DCHS2: variants seen among roughly 807,000 people sequenced by gnomAD.
DCHS2 encodes the protein protocadherin-23.
A neutral mutation model predicts 182.4 loss-of-function variants in DCHS2; 142 were observed. That is an observed-to-expected ratio of 0.78 (90% CI 0.68 to 0.89). The LOEUF is 0.89. DCHS2 is among the 40% of genes least tolerant of loss of function. The pLI, the probability that DCHS2 is intolerant of heterozygous loss-of-function variation, is 0.00. For synonymous variants in DCHS2, 1,740 were observed against 1,663.3 expected (o/e 1.05, Z -1.12); for missense variants, 4,319 against 4,198.6 (o/e 1.03, Z -0.79).
intron 3 of DCHS2, among the ~76,000 whole-genome samples, chr4:154,356,821 T>G (rs1305287141): frequency 1.3e-5 from 2 of 152,164 alleles, no homozygotes; most frequent in Admixed American, 6.6e-5. Context: ...ATGATGCATG[T>G]CTCAGAATGT....
chr4:154,490,510 C>T lies in DCHS2; in HGVS notation c.846G>A (p.Val282=). Residue 282 remains valine, a synonymous_variant, in exon 1 of 20, where the codon GTG becomes GTA. Coordinates refer to ENST00000357232, the MANE Select transcript of DCHS2 (RefSeq NM_001358235.2). ...CGTTCTCATCCAGCACGCGCAGCTCCACGCTCAGGAGGCCGGTGCGCCGGG... is the reference window on the plus strand; with the variant it reads ...CGTTCTCATCCAGCACGCGCAGCTCTACGCTCAGGAGGCCGGTGCGCCGGG... ...GRPRRTGLLS[V]ELRVLDENDN... 1 of 1,537,516 alleles carries T rather than the reference C, an allele frequency of 6.5e-7. No homozygotes were observed.
chr4:154,319,656 T>TAAAAA (rs59154846), intron 9 of DCHS2, among the ~76,000 whole-genome samples: 14 of 116,926 alleles, frequency 1.2e-4, no homozygotes, highest in East Asian at 2.4e-4. Flanking sequence ...TGGCTGTTAC[T>TAAAAA]AAAAAAAAAA....
At chr4:154,351,610 C>T (rs1005502826) in intron 3 of DCHS2, among the ~76,000 whole-genome samples, 3 of 152,012 alleles carry the variant, frequency 2.0e-5, no homozygotes, top group Admixed American at 6.6e-5. Context: ...TACCAGGGAC[C>T]GGTTTCGTGG....
intron 1 of DCHS2, among the ~76,000 whole-genome samples, chr4:154,378,447 G>C (rs1010129453): frequency 2.2e-5 from 3 of 138,922 alleles, no homozygotes; most frequent in African/African-American, 7.9e-5. Context: ...AAGAGGAGGA[G>C]GGAAGGAAGG....
chr4:154,491,384 C>G lies in DCHS2; in HGVS notation c.-29G>C, dbSNP rs777358719. On this transcript the variant is annotated 5_prime_UTR_variant, in exon 1 of 20. Transcript: ENST00000357232. ...TCCTCCAGCTCCTTGGGAAGGCTCT[C>G]GGGTAACTGCCAGCTTGTGGCAGGA... 1.4e-5 allele frequency: 20 copies of G among 1,477,718 alleles called. No individual in the cohort carries two copies. The South Asian group carries it at 2.6e-4, about 19-fold the overall frequency. 91.5% of individuals were successfully genotyped at this position (1,477,718 alleles called of 1,614,324 possible). A position where few individuals can be genotyped will look rare whatever the true frequency, so the allele number is the denominator to read the frequency against.
Position 154,491,141 on chromosome 4 carries a change from G to A in DCHS2, c.215C>T (p.Ser72Phe), listed in dbSNP as rs1452878192. The A allele has an allele frequency of 2.6e-6, 4 of 1,551,334 alleles. No homozygotes were observed. The highest frequency in any genetic ancestry group is 3.5e-6 in the Non-Finnish European group (4 of 1,146,868). Residue 72 changes from serine to phenylalanine, a missense_variant, in exon 1 of 20, where the codon TCC becomes TTC. Transcript: ENST00000357232. Reference sequence around the variant, plus strand: ...GTCCGGGGGAAGCCCCTCATCTACGGAAAGGGTGAGGTTGAACAACTGGGC... The same window carrying A: ...GTCCGGGGGAAGCCCCTCATCTACGAAAAGGGTGAGGTTGAACAACTGGGC... Reference protein sequence around the residue: ...SSAQLFNLTLSVDEGLPPDTL... With the variant: ...SSAQLFNLTLFVDEGLPPDTL...
chr4:154,481,855 C>T (rs902656725), intron 1 of DCHS2, among the ~76,000 whole-genome samples: 1 of 152,200 alleles, frequency 6.6e-6, no homozygotes, highest in Non-Finnish European at 1.5e-5. Flanking sequence ...GCATTGCAAG[C>T]TTTTATCCAC....
chr4:154,312,972 GGTGCAGTT>G (rs1554005916), intron 10 of DCHS2, among the ~76,000 whole-genome samples: 1 of 152,138 alleles, frequency 6.6e-6, no homozygotes, highest in Non-Finnish European at 1.5e-5. Context: ...AGACTTAGGC[GGTGCAGTT>G]GTACACCTAG....
intron 1 of DCHS2, among the ~76,000 whole-genome samples, chr4:154,462,964 T>G (rs567325978): frequency 6.6e-6 from 1 of 151,954 alleles, no homozygotes; most frequent in African/African-American, 2.4e-5. Flanking sequence ...TGACATGAAA[T>G]GAGAAAAAGC....
At chr4:154,415,313 T>TATACATATACTTA (rs1732790464) in intron 1 of DCHS2, among the ~76,000 whole-genome samples, 1 of 152,232 alleles carries the variant, frequency 6.6e-6, no homozygotes, top group Non-Finnish European at 1.5e-5. Context: ...ATAGATTTAA[T>TATACATATACTTA]TGCATATACA....
chr4:154,424,561 C>T (rs987435400), intron 1 of DCHS2, among the ~76,000 whole-genome samples: 3 of 152,168 alleles, frequency 2.0e-5, no homozygotes, highest in South Asian at 2.1e-4. Flanking sequence ...ATCAGGCAGA[C>T]ATTAAATTGA....
At chr4:154,373,757 C>T in intron 2 of DCHS2, 1 of 592,758 alleles carries the variant, frequency 1.7e-6, no homozygotes, top group South Asian at 2.3e-5. Flanking sequence ...CATTCAGCCT[C>T]ATACCTGCAA....
At chr4:154,391,375 C>T in intron 1 of DCHS2, 1 of 1,511,172 alleles carries the variant, frequency 6.6e-7, no homozygotes, top group Non-Finnish European at 8.8e-7. Flanking sequence ...GCTACAGGTT[C>T]ACATATGGAA....
At chr4:154,453,860 T>A (rs1201684523) in intron 1 of DCHS2, among the ~76,000 whole-genome samples, 1 of 152,246 alleles carries the variant, frequency 6.6e-6, no homozygotes, top group African/African-American at 2.4e-5. Flanking sequence ...AGTGCTATTT[T>A]GTATTTGTTT....
chr4:154,439,643 C>T (rs1733919138), intron 1 of DCHS2, among the ~76,000 whole-genome samples: 1 of 152,130 alleles, frequency 6.6e-6, no homozygotes. Flanking sequence ...ATATGCATTC[C>T]ATACTGTCAT....
chr4:154,311,403 TATA>T (rs143381755), intron 10 of DCHS2, among the ~76,000 whole-genome samples: 5 of 150,564 alleles, frequency 3.3e-5, no homozygotes, highest in South Asian at 2.1e-4. Context: ...AACAAATTTT[TATA>T]TTTTTTTTTG....
chr4:154,348,622 CAAG>C (rs1287330515), intron 3 of DCHS2, among the ~76,000 whole-genome samples: 1 of 151,696 alleles, frequency 6.6e-6, no homozygotes, highest in Non-Finnish European at 1.5e-5. Context: ...AGGAAGGACA[CAAG>C]AAGACACAGA....
intron 3 of DCHS2, among the ~76,000 whole-genome samples, chr4:154,346,527 G>A (rs889655039): frequency 6.7e-6 from 1 of 149,698 alleles, no homozygotes; most frequent in African/African-American, 2.5e-5. Flanking sequence ...TCCTTATTTA[G>A]TCAACATATA....
chr4:154,459,010 T>C (rs2110992970), intron 1 of DCHS2, among the ~76,000 whole-genome samples: 1 of 152,312 alleles, frequency 6.6e-6, no homozygotes, highest in East Asian at 1.9e-4. Flanking sequence ...TGATAACTGC[T>C]TTCATCAACT....
Sources: allele counts gnomAD v4.1 joint callset (sites outside exome capture counted in the v4.1 genomes callset), GRCh38; gene constraint gnomAD v4.1.1; transcripts MANE v1.5; gene names NCBI Gene and HGNC (gene_info 2026-07-23, HGNC 2026-07-21).